The following TBC1D4 variants were observed in gnomAD, a reference collection of about 807,000 sequenced individuals.
The protein encoded by TBC1D4 is TBC (Tre-2, BUB2, CDC16) domain-containing protein.
Under a neutral mutation model 142.5 loss-of-function variants are expected in TBC1D4, and 121 were observed. The observed-to-expected ratio is 0.85, with a 90% CI of 0.73 to 0.99. The LOEUF is 0.99. Among genes scored for constraint, TBC1D4 ranks in the 50% least tolerant of loss-of-function variants. The pLI is 0.00. For missense variants in TBC1D4, 1,475 were observed against 1,606.6 expected, an observed-to-expected ratio of 0.92 and a Z score of 1.40; for synonymous variants, 630 against 628.2, an observed-to-expected ratio of 1.00 and a Z score of -0.04.
chr13:75,393,927 C>CAAAAA (rs57675298), intron 1 of TBC1D4, among the ~76,000 whole-genome samples: 12 of 136,034 alleles, frequency 8.8e-5, no homozygotes, highest in African/African-American at 3.2e-4. Context: ...AACTCTGTCT[C>CAAAAA]AAAAAAAAAA....
At chr13:75,440,178 G>A (rs566729706) in intron 1 of TBC1D4, among the ~76,000 whole-genome samples, 4 of 152,092 alleles carry the variant, frequency 2.6e-5, no homozygotes, top group South Asian at 2.1e-4. Context: ...AGAATAATGC[G>A]ATAAGTGTTA....
intron 1 of TBC1D4, among the ~76,000 whole-genome samples, chr13:75,429,346 A>G (rs548193422): frequency 1.3e-5 from 2 of 152,368 alleles, no homozygotes; most frequent in South Asian, 4.1e-4. Flanking sequence ...ATCACAAAGA[A>G]AAGTCCATCT....
chr13:75,351,205 G>A (rs73532002), intron 4 of TBC1D4, among the ~76,000 whole-genome samples: 1 of 152,198 alleles, frequency 6.6e-6, no homozygotes, highest in African/African-American at 2.4e-5. Flanking sequence ...TAATGCAGAC[G>A]ATGCTCATAA....
Position 75,302,234 on chromosome 13 carries a change from C to T in TBC1D4, c.2911+9G>A, listed in dbSNP as rs1263780976. 1.2e-6 allele frequency: 2 copies of T among 1,614,118 alleles called. No individual in the cohort carries two copies. The highest frequency in any genetic ancestry group is 2.2e-5 in the South Asian group (2 of 91,084). On this transcript the variant is annotated intron_variant, in intron 16 of 20. Transcript: ENST00000377636. ...CTTTTGTAAATTATAATCCACATGA[C>T]AAACATACCTAAATCCACGAGAATC...
At chr13:75,475,598 C>T (rs1888601148) in intron 1 of TBC1D4, among the ~76,000 whole-genome samples, 1 of 152,156 alleles carries the variant, frequency 6.6e-6, no homozygotes, top group Non-Finnish European at 1.5e-5. Context: ...TGCTATTTTT[C>T]TGACTTGATT....
Position 75,481,634 on chromosome 13 carries a change from C to A in TBC1D4, c.134G>T (p.Cys45Phe), listed in dbSNP as rs1324083582. 5 of 1,606,876 alleles carry A rather than the reference C, an allele frequency of 3.1e-6. No homozygotes were observed. The Admixed American group carries it at 8.4e-5, about 27-fold the overall frequency. ...RFRLWYVGGS[C>F]LDHRTTLPML... ...AGGCAGCGTGGTCCTGTGGTCCAGG[C>A]ACGACCCCCCAACGTACCACAGCCG... Residue 45 changes from cysteine to phenylalanine, a missense_variant, in exon 1 of 21, where the codon TGC becomes TTC. Cys to Phe is a radical substitution (Grantham distance 205, BLOSUM62 -2). Coordinates refer to ENST00000377636, the MANE Select transcript of TBC1D4 (RefSeq NM_014832.5).
chr13:75,425,291 A>T (rs1362388037), intron 1 of TBC1D4, among the ~76,000 whole-genome samples: 1 of 152,178 alleles, frequency 6.6e-6, no homozygotes, highest in African/African-American at 2.4e-5. Context: ...ACAACGCCTC[A>T]CACCTGTTGG....
In TBC1D4 at chr13:75,362,074, A is replaced by C; in HGVS notation, c.1032T>G (p.Ser344Arg). 1 of 1,613,928 alleles carries C rather than the reference A, an allele frequency of 6.2e-7. No individual in the cohort carries two copies. ...TCTCCGAGTCCGAGGGCTGGACGTGACTGGGTGCGCTCGCGTGTCTCCGTC... is the reference window on the plus strand; with the variant it reads ...TCTCCGAGTCCGAGGGCTGGACGTGCCTGGGTGCGCTCGCGTGTCTCCGTC... ...QPRRRHASAPSHVQPSDSEKN... is the reference protein window; with the variant it reads ...QPRRRHASAPRHVQPSDSEKN... Residue 344 changes from serine to arginine, a missense_variant, in exon 2 of 21, where the codon AGT (serine) becomes AGG (arginine). This residue lies in a region of TBC1D4 where 1,227 missense variants were observed against 1,267.7 expected (regional missense o/e 0.97). Coordinates refer to ENST00000377636, the MANE Select transcript of TBC1D4 (RefSeq NM_014832.5). This position sits in a 1 kb window ranked among gnomAD's most constrained non-coding sequence, Gnocchi z 4.2.
intron 8 of TBC1D4, among the ~76,000 whole-genome samples, chr13:75,336,431 T>G (rs973670078): frequency 6.9e-6 from 1 of 144,074 alleles, no homozygotes; most frequent in Non-Finnish European, 1.5e-5. Context: ...GAGCTGGGCA[T>G]GGATGGTGGC....
chr13:75,476,651 A>G (rs1888641731), intron 1 of TBC1D4, among the ~76,000 whole-genome samples: 1 of 152,238 alleles, frequency 6.6e-6, no homozygotes, highest in Non-Finnish European at 1.5e-5. Context: ...CCAGAGTCAA[A>G]TATTATTTCT....
chr13:75,439,773 G>A (rs61257157), intron 1 of TBC1D4, among the ~76,000 whole-genome samples: 5,184 of 151,944 alleles, frequency 0.034, 311 homozygotes, highest in African/African-American at 0.12. Flanking sequence ...ATGGTGGCAC[G>A]TGCCTATAAT....
intron 1 of TBC1D4, among the ~76,000 whole-genome samples, chr13:75,380,423 C>T (rs1401478413): frequency 2.0e-5 from 3 of 151,540 alleles, no homozygotes; most frequent in East Asian, 2.0e-4. Context: ...CAGTGGGCCG[C>T]GATCACGCCA....
intron 1 of TBC1D4, among the ~76,000 whole-genome samples, chr13:75,379,561 T>C (rs1345167224): frequency 1.3e-5 from 2 of 152,244 alleles, no homozygotes; most frequent in Non-Finnish European, 2.9e-5. Flanking sequence ...TAGCCTCTTC[T>C]GAAACATGGA....
Position 75,288,872 on chromosome 13 carries a change from G to A in TBC1D4, c.3663+62C>T, listed in dbSNP as rs537385670. 7 of 1,528,442 alleles carry A rather than the reference G, an allele frequency of 4.6e-6. No homozygotes were observed. The African/African-American group carries it at 9.6e-5, about 21-fold the overall frequency. The allele number at this position is 1,528,442 out of a possible 1,614,324, so 94.7% of individuals were successfully genotyped here. On this transcript the variant is annotated intron_variant, in intron 20 of 20. Transcript: ENST00000377636. Reference sequence around the variant, plus strand: ...ACGCACATATCCCTTTCATTCCTGAGGTAGTTCTGTGCATGCAGGAGGCAT... The same window carrying A: ...ACGCACATATCCCTTTCATTCCTGAAGTAGTTCTGTGCATGCAGGAGGCAT...
intron 1 of TBC1D4, among the ~76,000 whole-genome samples, chr13:75,456,262 TG>T (rs1887730765): frequency 6.6e-6 from 1 of 152,118 alleles, no homozygotes; most frequent in Non-Finnish European, 1.5e-5. Context: ...AGACCTCAGG[TG>T]TTTGGGATAA....
chr13:75,302,424 C>A (rs115575809), intron 15 of TBC1D4, 23 bp from the exon 16 acceptor site: 191 of 1,613,946 alleles, frequency 1.2e-4, no homozygotes, highest in Admixed American at 3.8e-4. Flanking sequence ...AGATAAATAA[C>A]CAAGGCCTTG....
intron 5 of TBC1D4, among the ~76,000 whole-genome samples, chr13:75,344,202 ATAT>A (rs1179335199): frequency 9.8e-5 from 15 of 152,354 alleles, no homozygotes; most frequent in Middle Eastern, 6.8e-3. Context: ...CTTAGACAAC[ATAT>A]TATGATAATG....
At chr13:75,429,723 G>A (rs1886519710) in intron 1 of TBC1D4, among the ~76,000 whole-genome samples, 1 of 151,976 alleles carries the variant, frequency 6.6e-6, no homozygotes, top group African/African-American at 2.4e-5. Flanking sequence ...ACACCTGAGA[G>A]AAATTGGAAA....
chr13:75,442,537 C>A (rs1376643115), intron 1 of TBC1D4, among the ~76,000 whole-genome samples: 1 of 151,902 alleles, frequency 6.6e-6, no homozygotes, highest in African/African-American at 2.4e-5. Flanking sequence ...AAAAAACATT[C>A]TGGGAGGCCG....
Sources: gnomAD v4.1 joint callset for allele counts (sites outside exome capture counted in the v4.1 genomes callset) on GRCh38, gnomAD v4.1.1 for gene constraint, gnomAD v4.1.1 regional missense constraint, Gnocchi (gnomAD v3.1) non-coding constraint, MANE v1.5 for transcripts, NCBI Gene and HGNC (gene_info 2026-07-23, HGNC 2026-07-21) for gene names.